The following CDC14A variants were observed in gnomAD, a reference collection of about 807,000 sequenced individuals.
CDC14A encodes the protein dual specificity protein phosphatase CDC14A.
In CDC14A, 53 loss-of-function variants were observed where a neutral mutation model predicts 74.4. That is an observed-to-expected ratio of 0.71 (90% CI 0.57 to 0.89). The LOEUF (loss-of-function observed/expected upper bound fraction) is 0.89. Ranked by LOEUF, CDC14A falls within the 40% of genes least tolerant of loss-of-function variation. CDC14A has a pLI of 0.00. For synonymous variants in CDC14A, 247 were observed against 258.4 expected, an observed-to-expected ratio of 0.96 and a Z score of 0.43; for missense variants, 646 against 713.7, an observed-to-expected ratio of 0.91 and a Z score of 1.08.
At chr1:100,411,243 A>G (rs1320145908) in intron 4 of CDC14A, among the ~76,000 whole-genome samples, 1 of 152,080 alleles carries the variant, frequency 6.6e-6, no homozygotes, top group Non-Finnish European at 1.5e-5. Context: ...TTCGACACCC[A>G]TAGTGCAAGG....
chr1:100,518,248 C>G lies in CDC14A; in HGVS notation c.1756-3C>G. On this transcript the variant is annotated splice_polypyrimidine_tract_variant and splice_region_variant and intron_variant, in intron 15 of 15. Coordinates refer to ENST00000336454, the MANE Select transcript of CDC14A (RefSeq NM_003672.4). ...ACCTCAGTTTATGTCTCTCCCTGCA[C>G]AGTCCCTTCAGTCTGAATATGTTCA... 6.2e-7 allele frequency: 1 copy of G among 1,610,398 alleles called. No individual in the cohort carries two copies. The highest frequency in any genetic ancestry group is 1.1e-5 in the South Asian group (1 of 90,864).
At chr1:100,389,097 G>A (rs1359216962) in intron 3 of CDC14A, among the ~76,000 whole-genome samples, 1 of 141,240 alleles carries the variant, frequency 7.1e-6, no homozygotes, top group Admixed American at 6.8e-5. Flanking sequence ...ATCGATTGAG[G>A]CTGAGAGGTC....
chr1:100,402,957 G>C (rs1382014358), intron 4 of CDC14A, among the ~76,000 whole-genome samples: 2 of 152,126 alleles, frequency 1.3e-5, no homozygotes, highest in Non-Finnish European at 2.9e-5. Context: ...CTGGCTAATG[G>C]GGCTAACACT....
intron 3 of CDC14A, among the ~76,000 whole-genome samples, chr1:100,388,151 A>G (rs191613938): frequency 3.3e-5 from 5 of 152,322 alleles, no homozygotes; most frequent in African/African-American, 7.2e-5. Flanking sequence ...TCGAGTCCCT[A>G]TGCTCAGTCT....
intron 3 of CDC14A, among the ~76,000 whole-genome samples, chr1:100,384,605 T>G (rs1656589184): frequency 6.6e-6 from 1 of 152,200 alleles, no homozygotes. Flanking sequence ...AGCTACTCAA[T>G]TCATGCTGAT....
chr1:100,498,844 T>G, intron 14 of CDC14A, 85 bp from the exon 15 acceptor site: 16 of 1,491,522 alleles, frequency 1.1e-5, no homozygotes, highest in Non-Finnish European at 1.4e-5. Context: ...CCTAATGTCA[T>G]GAGTATGTGT....
intron 4 of CDC14A, among the ~76,000 whole-genome samples, chr1:100,399,610 T>C (rs1053884380): frequency 6.6e-6 from 1 of 152,236 alleles, no homozygotes; most frequent in African/African-American, 2.4e-5. Context: ...CTCATGTTTT[T>C]ATTTATAGAT....
chr1:100,352,900 C>T lies in CDC14A; in HGVS notation c.-55C>T. The T allele has an allele frequency of 1.2e-6, 2 of 1,612,080 alleles. No homozygotes were observed. Among genetic ancestry groups the T allele is most frequent in the African/African-American group, 1.3e-5 (1 of 74,988 alleles). On this transcript the variant is annotated 5_prime_UTR_variant, in exon 1 of 16. The change creates a premature stop within an existing upstream ORF in the 5' untranslated region. Coordinates refer to ENST00000336454, the MANE Select transcript of CDC14A (RefSeq NM_003672.4). ...TGGGCAGTGGGGAAGCCCCCGGGGGCGAGTGACTTCAGCTGGCCACGACCC... is the reference window on the plus strand; with the variant it reads ...TGGGCAGTGGGGAAGCCCCCGGGGGTGAGTGACTTCAGCTGGCCACGACCC...
chr1:100,438,735 C>G (rs1019505526), intron 5 of CDC14A, among the ~76,000 whole-genome samples: 2 of 152,222 alleles, frequency 1.3e-5, no homozygotes, highest in Non-Finnish European at 2.9e-5. Context: ...GATGCTGAAA[C>G]TCAGGGATGA....
chr1:100,423,978 A>G, intron 4 of CDC14A: 1 of 432,542 alleles, frequency 2.3e-6, no homozygotes, highest in African/African-American at 2.0e-5. Flanking sequence ...GCCTTTGTAA[A>G]GAGCCTGGGA....
chr1:100,370,217 C>G (rs926820695), intron 2 of CDC14A, among the ~76,000 whole-genome samples: 2 of 151,830 alleles, frequency 1.3e-5, no homozygotes, highest in East Asian at 3.9e-4. Context: ...TCCTGGGGGT[C>G]AAGCGATCGG....
chr1:100,356,626 C>T (rs926551377), intron 2 of CDC14A, among the ~76,000 whole-genome samples: 5 of 151,962 alleles, frequency 3.3e-5, no homozygotes, highest in Admixed American at 2.6e-4. Flanking sequence ...GAGGCCGAGG[C>T]AGGTGGATCA....
At chr1:100,465,770 A>T (rs925045621) in intron 9 of CDC14A, among the ~76,000 whole-genome samples, 3 of 152,250 alleles carry the variant, frequency 2.0e-5, no homozygotes, top group Admixed American at 2.0e-4. Context: ...CTCTACCACA[A>T]ATAATAATCT....
intron 5 of CDC14A, among the ~76,000 whole-genome samples, chr1:100,429,280 C>T (rs1168989675): frequency 6.7e-6 from 1 of 150,348 alleles, no homozygotes; most frequent in Non-Finnish European, 1.5e-5. Context: ...TAAAATTATG[C>T]TGACAATAAA....
intron 13 of CDC14A, 142 bp from the exon 14 acceptor site, chr1:100,497,940 CAGT>C: frequency 1.4e-6 from 1 of 726,332 alleles, no homozygotes; most frequent in Non-Finnish European, 2.2e-6. Flanking sequence ...AGTGCTGTGT[CAGT>C]GGTGGCTGCC....
chr1:100,446,190 T>C (rs1161526728), intron 7 of CDC14A, among the ~76,000 whole-genome samples: 1 of 152,198 alleles, frequency 6.6e-6, no homozygotes, highest in Non-Finnish European at 1.5e-5. Flanking sequence ...ACTGTAAGCC[T>C]TAGATGATTA....
At chr1:100,504,903 T>G in intron 15 of CDC14A, 1 of 1,531,876 alleles carries the variant, frequency 6.5e-7, no homozygotes, top group East Asian at 2.4e-5. Context: ...TAAAGACATA[T>G]ATTACCTCCC....
Position 100,462,841 on chromosome 1 carries a change from C to T in CDC14A, c.798C>T (p.Ile266=), listed in dbSNP as rs138121120. 77 of 1,613,876 alleles carry T rather than the reference C, an allele frequency of 4.8e-5. No homozygotes were observed. The highest frequency in any genetic ancestry group is 6.0e-5 in the Non-Finnish European group (71 of 1,179,986). ...SDNIVRRFLN[I]CENTEGAIAV... ...ACATCGTGCGAAGGTTCCTGAACAT[C>T]TGTGAGAACACCGAAGGGGCCATCG... Residue 266 remains isoleucine, a synonymous_variant, in exon 9 of 16, where the codon ATC becomes ATT. Transcript: ENST00000336454.
At chr1:100,412,710 A>ATATATATT (rs1660909253) in intron 4 of CDC14A, among the ~76,000 whole-genome samples, 4 of 96,048 alleles carry the variant, frequency 4.2e-5, no homozygotes, top group African/African-American at 2.2e-4. Flanking sequence ...ATATATATAT[A>ATATATATT]TATATATATA....
Sources: gnomAD v4.1 joint callset for allele counts (sites outside exome capture counted in the v4.1 genomes callset) on GRCh38, gnomAD v4.1.1 for gene constraint, MANE v1.5 for transcripts, NCBI Gene and HGNC (gene_info 2026-07-23, HGNC 2026-07-21) for gene names.